The following LAMA1 variants were observed in gnomAD, a reference collection of about 807,000 sequenced individuals.
LAMA1 encodes laminin subunit alpha-1.
Under a neutral mutation model 348.7 loss-of-function variants are expected in LAMA1, and 219 were observed. That is an observed-to-expected ratio of 0.63 (90% CI 0.56 to 0.70). LAMA1 has a LOEUF of 0.70. Ranked by LOEUF, LAMA1 falls within the 30% of genes least tolerant of loss-of-function variation. The probability of loss-of-function intolerance (pLI) is 0.00; values close to 1 mark genes in which losing one functional copy is unlikely to be tolerated. For synonymous variants in LAMA1, 1,487 were observed against 1,491.0 expected (o/e 1.00, Z 0.06); for missense variants, 3,744 against 3,888.0 (o/e 0.96, Z 0.99).
chr18:6,997,550 C>T (rs1226099568), intron 33 of LAMA1, among the ~76,000 whole-genome samples, 192 bp downstream of exon 33: 3 of 152,078 alleles, frequency 2.0e-5, no homozygotes, highest in South Asian at 4.2e-4. Context: ...AACAAGCTAG[C>T]GTGTGAGATA....
intron 8 of LAMA1, 107 bp from the exon 9 acceptor site, chr18:7,042,357 G>A (rs908192153): frequency 8.2e-5 from 60 of 733,644 alleles, no homozygotes; most frequent in Non-Finnish European, 1.3e-4. Flanking sequence ...GGACTATTAC[G>A]ATGATTTTGT....
chr18:7,050,598 T>A lies in LAMA1; in HGVS notation c.588+96A>T, dbSNP rs897156349. 4 of 1,556,702 alleles carry A rather than the reference T, an allele frequency of 2.6e-6. No individual in the cohort carries two copies. In the Admixed American group the frequency reaches 5.0e-5, roughly 20 times the overall value. On this transcript the variant is annotated intron_variant, in intron 4 of 62. Transcript: ENST00000389658. ...CTTTAAATAGAGCTAGATAGTTATA[T>A]TAAAGATCTTTGTATTGAGAGAGAT...
intron 1 of LAMA1, among the ~76,000 whole-genome samples, chr18:7,100,008 G>A (rs1458687268): frequency 4.3e-5 from 6 of 139,490 alleles, no homozygotes; most frequent in African/African-American, 1.1e-4. Context: ...GCAGTGAGCC[G>A]AGATCGCGCC....
intron 3 of LAMA1, among the ~76,000 whole-genome samples, chr18:7,070,843 C>T (rs1331339478): frequency 3.3e-5 from 5 of 150,544 alleles, no homozygotes; most frequent in African/African-American, 4.9e-5. Context: ...AAATGTTCTC[C>T]GGCTTTAAAA....
chr18:7,048,734 T>C (rs530159856), intron 5 of LAMA1, among the ~76,000 whole-genome samples: 8 of 152,178 alleles, frequency 5.3e-5, no homozygotes, highest in Non-Finnish European at 1.2e-4. Context: ...AAATTATGTC[T>C]CAAACTTTAA....
intron 1 of LAMA1, among the ~76,000 whole-genome samples, chr18:7,086,022 A>G (rs1182796889): frequency 6.6e-6 from 1 of 152,196 alleles, no homozygotes; most frequent in African/African-American, 2.4e-5. Context: ...CTGGATTCCT[A>G]TTCAGTAACA....
chr18:7,007,111 A>G (rs199864053), intron 29 of LAMA1, 28 bp downstream of exon 29: 1 of 1,612,812 alleles, frequency 6.2e-7, no homozygotes, highest in East Asian at 2.2e-5. Context: ...TTCTAAACTC[A>G]GGCAAGCACC....
At chr18:7,000,753 A>C (rs1269053940) in intron 30 of LAMA1, among the ~76,000 whole-genome samples, 1 of 152,230 alleles carries the variant, frequency 6.6e-6, no homozygotes, top group East Asian at 1.9e-4. Flanking sequence ...GTTAGAGCCA[A>C]GTCTGGTTCC....
intron 1 of LAMA1, among the ~76,000 whole-genome samples, chr18:7,101,193 T>C (rs1358954679): frequency 6.6e-6 from 1 of 152,176 alleles, no homozygotes; most frequent in African/African-American, 2.4e-5. Context: ...ACTCTAAATT[T>C]ACTAAAAAAC....
At chr18:6,960,027 G>T in intron 53 of LAMA1, 1 of 180,912 alleles carries the variant, frequency 5.5e-6, no homozygotes, top group Non-Finnish European at 1.2e-5. Flanking sequence ...GCTAGCAATG[G>T]CTAATATCAT....
chr18:7,050,774 C>G lies in LAMA1; in HGVS notation c.508G>C (p.Gly170Arg), dbSNP rs570849391. 1 of 1,614,122 alleles carries G rather than the reference C, an allele frequency of 6.2e-7. No individual in the cohort carries two copies. The highest frequency in any genetic ancestry group is 2.2e-5 in the East Asian group (1 of 44,884). Reference protein sequence around the residue: ...LSRYNITPRRGPPTYRADDEV... With the variant: ...LSRYNITPRRRPPTYRADDEV... Reference sequence around the variant, plus strand: ...TCATCAGCCCTGTAGGTGGGTGGCCCTCGTCTTGGAGTTATATTGTAACGA... The same window carrying G: ...TCATCAGCCCTGTAGGTGGGTGGCCGTCGTCTTGGAGTTATATTGTAACGA... The change falls in exon 4 of 63, where the codon GGG (glycine) becomes CGG (arginine). Residue 170 changes from glycine (G) to arginine (R), a missense_variant. Around this residue, in one of 3 missense-constraint regions of LAMA1, gnomAD observed 1,529 missense variants for 1,689.4 expected, o/e 0.91. Coordinates refer to ENST00000389658, the MANE Select transcript of LAMA1 (RefSeq NM_005559.4).
intron 32 of LAMA1, among the ~76,000 whole-genome samples, 179 bp downstream of exon 32, chr18:6,999,266 C>T (rs752030567): frequency 3.3e-5 from 5 of 152,124 alleles, no homozygotes; most frequent in Non-Finnish European, 5.9e-5. Context: ...AGCTGGAAAA[C>T]ACATGATGAA....
At position 7,042,208 on chromosome 18, in the gene LAMA1, C is replaced by A; in HGVS notation, c.1198G>T (p.Asp400Tyr). The change falls in exon 9 of 63, where the codon GAC (aspartate) becomes TAC (tyrosine). Residue 400 changes from aspartate to tyrosine, a missense_variant. Transcript: ENST00000389658. ...ACAGAACTGAGGGACCCCACAGGGT[C>A]ACAATTACAGGGGCGGCAAGGCTCA... ...EDEPCRPCNC[D>Y]PVGSLSSVCI... 1 of 1,612,612 alleles carries A rather than the reference C, an allele frequency of 6.2e-7. No homozygotes were observed. Among genetic ancestry groups the A allele is most frequent in the South Asian group, 1.1e-5 (1 of 90,696 alleles).
chr18:7,004,668 T>C (rs1375962077), intron 29 of LAMA1, among the ~76,000 whole-genome samples: 2 of 152,138 alleles, frequency 1.3e-5, no homozygotes, highest in Non-Finnish European at 2.9e-5. Context: ...ATTTTTATGA[T>C]AACACCAAAT....
chr18:7,011,540 T>C, intron 24 of LAMA1, 61 bp from the exon 25 acceptor site: 1 of 1,421,102 alleles, frequency 7.0e-7, no homozygotes, highest in Non-Finnish European at 9.7e-7. Context: ...TCCAGTTTCA[T>C]TCTTTAGATT....
chr18:6,959,634 T>C, intron 53 of LAMA1, 142 bp from the exon 54 acceptor site: 1 of 820,284 alleles, frequency 1.2e-6, no homozygotes, highest in Admixed American at 2.0e-5. Context: ...GCTGTCACAA[T>C]GTTACATTTT....
intron 36 of LAMA1, among the ~76,000 whole-genome samples, chr18:6,989,268 G>A (rs1215315676): frequency 1.5e-5 from 2 of 134,264 alleles, no homozygotes; most frequent in African/African-American, 5.1e-5. Context: ...AGACTCTGCT[G>A]TGTCCTTTTG....
chr18:6,963,659 G>T (rs899385658), intron 51 of LAMA1, among the ~76,000 whole-genome samples: 1 of 152,182 alleles, frequency 6.6e-6, no homozygotes, highest in African/African-American at 2.4e-5. Flanking sequence ...ATGGACATTT[G>T]CTAACCACTA....
intron 15 of LAMA1, 59 bp downstream of exon 15, chr18:7,032,925 G>C (rs1338895311): frequency 1.7e-5 from 21 of 1,249,166 alleles, no homozygotes; most frequent in Non-Finnish European, 2.4e-5. Flanking sequence ...CCCCTTCAGT[G>C]CACTGTTTTC....
Sources: gnomAD v4.1 joint callset for allele counts (sites outside exome capture counted in the v4.1 genomes callset) on GRCh38, gnomAD v4.1.1 for gene constraint, gnomAD v4.1.1 regional missense constraint, MANE v1.5 for transcripts, NCBI Gene and HGNC (gene_info 2026-07-23, HGNC 2026-07-21) for gene names.